NDRG1: variants seen among roughly 807,000 people sequenced by gnomAD.
The protein encoded by NDRG1 is protein NDRG1.
Under a neutral mutation model 56.9 loss-of-function variants are expected in NDRG1, and 32 were observed. The ratio of observed to expected loss-of-function variants is 0.56; its 90% CI spans 0.42 to 0.76. The LOEUF is 0.76. Ranked by LOEUF, NDRG1 falls within the 30% of genes least tolerant of loss-of-function variation. NDRG1 has a pLI of 0.00. For missense variants in NDRG1, 507 were observed against 545.7 expected (o/e 0.93, Z 0.71); for synonymous variants, 211 against 204.1 (o/e 1.03, Z -0.29).
intron 5 of NDRG1, chr8:133,259,576 G>T: frequency 2.6e-6 from 1 of 389,164 alleles, no homozygotes; most frequent in Non-Finnish European, 4.9e-6. Flanking sequence ...TAGATGGTTA[G>T]CCAGAAACAT....
chr8:133,263,917 G>GAAAA (rs35761411), intron 4 of NDRG1, among the ~76,000 whole-genome samples: 7 of 107,624 alleles, frequency 6.5e-5, no homozygotes, highest in Non-Finnish European at 5.9e-5. Context: ...TTCTGTCTCA[G>GAAAA]AAAAAAAAAA....
At chr8:133,258,535 G>A in intron 6 of NDRG1, 109 bp from the exon 7 acceptor site, 2 of 1,047,856 alleles carry the variant, frequency 1.9e-6, no homozygotes, top group South Asian at 2.7e-5. Context: ...CAATGCGGGA[G>A]CATGCTGCCG....
chr8:133,278,185 T>G (rs1434971957), intron 3 of NDRG1, among the ~76,000 whole-genome samples: 1 of 152,196 alleles, frequency 6.6e-6, no homozygotes, highest in Non-Finnish European at 1.5e-5. Flanking sequence ...CCAGCTGTTC[T>G]CAGCTCAGAG....
At chr8:133,269,479 T>C (rs927923794) in intron 3 of NDRG1, among the ~76,000 whole-genome samples, 5 of 152,236 alleles carry the variant, frequency 3.3e-5, no homozygotes, top group Non-Finnish European at 5.9e-5. Flanking sequence ...TCTTACCCCA[T>C]GCCTGCTTTG....
intron 9 of NDRG1, among the ~76,000 whole-genome samples, chr8:133,250,908 TA>T (rs75259677): frequency 0.17 from 20,990 of 124,826 alleles, 1,514 homozygotes; most frequent in Middle Eastern, 0.21. Flanking sequence ...TCAGATCTCT[TA>T]AAAAAAAAAA....
rs190504750 is a variant in NDRG1, at chr8:133,280,581, G to A, written c.64-314C>T. 4.6e-3 allele frequency among the ~76,000 whole-genome samples: 696 copies of A among 151,978 alleles called. 4 individuals carry two copies. The highest frequency in any genetic ancestry group is 7.5e-3 in the Non-Finnish European group (507 of 67,966). ...TGGGACTACAGGTGCCCGCCACCAC[G>A]CCCAGTTATTTTTATTTTTATTTTT... On this transcript the variant is annotated intron_variant, in intron 2 of 15. Transcript: ENST00000323851.
rs1855693912 is a variant in NDRG1, at chr8:133,246,601, C to T, written c.855+15G>A. 1 of 1,613,910 alleles carries T rather than the reference C, an allele frequency of 6.2e-7. No homozygotes were observed. Among genetic ancestry groups the T allele is most frequent in the African/African-American group, 1.3e-5 (1 of 74,938 alleles). On this transcript the variant is annotated intron_variant, in intron 13 of 15. Transcript: ENST00000323851. ...AAGAAATAACAAACACGAACCCCCA[C>T]TGTTTTCCCTGTACCTTGAGGAGAG...
At chr8:133,293,096 C>T (rs73708719) in intron 1 of NDRG1, among the ~76,000 whole-genome samples, 4,747 of 152,292 alleles carry the variant, frequency 0.031, 241 homozygotes, top group African/African-American at 0.11. Flanking sequence ...TCACATGGCC[C>T]CCACCCCGAG....
intron 3 of NDRG1, among the ~76,000 whole-genome samples, chr8:133,273,430 G>A (rs1277438037): frequency 6.6e-6 from 1 of 152,108 alleles, no homozygotes; most frequent in Non-Finnish European, 1.5e-5. Context: ...CGTGACACTG[G>A]GCAAATCCCT....
At position 133,238,270 on chromosome 8, in the gene NDRG1, A is replaced by G. The variant is rs1855169384; in HGVS notation, c.*608T>C. On this transcript the variant is annotated 3_prime_UTR_variant, in exon 16 of 16. Transcript: ENST00000323851. ...CATTCAAAGCTTTCTAGATGCACCA[A>G]CTTTAAAAATCGGTTTCTTCAAGTT... 4.3e-6 allele frequency: 1 copy of G among 232,694 alleles called. No homozygotes were observed. The highest frequency in any genetic ancestry group is 2.2e-5 in the African/African-American group (1 of 45,416). 14.4% of individuals were successfully genotyped at this position (232,694 alleles called of 1,614,324 possible).
At chr8:133,255,185 T>G (rs1856300227) in intron 8 of NDRG1, 1 of 409,132 alleles carries the variant, frequency 2.4e-6, no homozygotes, top group Admixed American at 3.0e-5. Context: ...CAAAAATGAG[T>G]AGGAGAGAAG....
chr8:133,249,058 A>T (rs1317408397), intron 10 of NDRG1, among the ~76,000 whole-genome samples: 1 of 152,138 alleles, frequency 6.6e-6, no homozygotes, highest in East Asian at 1.9e-4. Flanking sequence ...ATTCTCCACC[A>T]TAGAGGGTCC....
intron 1 of NDRG1, among the ~76,000 whole-genome samples, chr8:133,286,536 A>G (rs1858122372): frequency 6.6e-6 from 1 of 152,108 alleles, no homozygotes; most frequent in Admixed American, 6.5e-5. Context: ...CCCAGACCAC[A>G]TGAGGCAATG....
rs77316028 is a variant in NDRG1, at chr8:133,266,005, G to C, written c.100-1353C>G. 6.5e-3 allele frequency among the ~76,000 whole-genome samples: 998 copies of C among 152,372 alleles called. 12 individuals are homozygous for C. Among genetic ancestry groups the C allele is most frequent in the African/African-American group, 0.021 (859 of 41,584 alleles). On this transcript the variant is annotated intron_variant, in intron 3 of 15. Coordinates refer to ENST00000323851, the MANE Select transcript of NDRG1 (RefSeq NM_006096.4). ...CCACAGGGCAGTTGGGGAGCAGGAG[G>C]CAAGGCCATCAGGCTGCTGAGACCT...
intron 3 of NDRG1, chr8:133,264,862 A>G (rs976621023): frequency 1.6e-6 from 1 of 616,470 alleles, no homozygotes; most frequent in Non-Finnish European, 2.9e-6. Flanking sequence ...CAGGGGACAG[A>G]GGCCTGGCTC....
Position 133,257,381 on chromosome 8 carries a change from A to T in NDRG1, c.451-518T>A, listed in dbSNP as rs112547686. ...ATACTTTCTGAGAAAATTCATCATT[A>T]GGAGATTTTGTCATTGTGTGAAGAT... On this transcript the variant is annotated intron_variant, in intron 7 of 15. Coordinates refer to ENST00000323851, the MANE Select transcript of NDRG1 (RefSeq NM_006096.4). Among the ~76,000 whole-genome samples, 1,228 of 152,088 alleles carry T rather than the reference A, an allele frequency of 8.1e-3. 19 individuals carry two copies. The highest frequency in any genetic ancestry group is 0.028 in the African/African-American group (1,169 of 41,502).
At position 133,286,257 on chromosome 8, in the gene NDRG1, A is replaced by G. The variant is rs547509097; in HGVS notation, c.-18-1928T>C. Among the ~76,000 whole-genome samples, 35 of 152,360 alleles carry G rather than the reference A, an allele frequency of 2.3e-4. 3 individuals carry two copies. In the South Asian group the frequency reaches 7.2e-3, roughly 32 times the overall value. ...TGCTTTCAGTAAAATTCACTTTTAA[A>G]TCATTGCTAAACCCCAAGAGTGCAA... is the stretch of plus-strand genomic sequence containing the variant. On this transcript the variant is annotated intron_variant, in intron 1 of 15. Transcript: ENST00000323851.
intron 14 of NDRG1, 92 bp from the exon 15 acceptor site, chr8:133,242,166 T>C: frequency 2.2e-6 from 3 of 1,333,514 alleles, no homozygotes; most frequent in Non-Finnish European, 3.2e-6. Context: ...CACCTTCATT[T>C]GAGAGTTTGG....
chr8:133,279,040 C>T (rs35692644), intron 3 of NDRG1, among the ~76,000 whole-genome samples: 19,825 of 152,102 alleles, frequency 0.13, 1,442 homozygotes, highest in Middle Eastern at 0.18. Flanking sequence ...TAGGTGCTTA[C>T]CACCATGCCT....
Sources: gnomAD v4.1 joint callset for allele counts (sites outside exome capture counted in the v4.1 genomes callset) on GRCh38, gnomAD v4.1.1 for gene constraint, MANE v1.5 for transcripts, NCBI Gene and HGNC (gene_info 2026-07-23, HGNC 2026-07-21) for gene names.